SLC35F1: variants seen among roughly 807,000 people sequenced by gnomAD.
SLC35F1 encodes chromosome 6 open reading frame 169.
A neutral mutation model predicts 48.7 loss-of-function variants in SLC35F1; 14 were observed. The ratio of observed to expected loss-of-function variants is 0.29; its 90% CI spans 0.19 to 0.45. SLC35F1 has a LOEUF of 0.45. Among genes scored for constraint, SLC35F1 ranks in the 20% least tolerant of loss-of-function variants. SLC35F1 has a pLI of 1.00. For missense variants in SLC35F1, 404 were observed against 500.0 expected (o/e 0.81, Z 1.83); for synonymous variants, 190 against 202.2 (o/e 0.94, Z 0.51).
intron 4 of SLC35F1, 40 bp downstream of exon 4, chr6:118,267,194 G>T: frequency 6.2e-7 from 1 of 1,610,360 alleles, no homozygotes; most frequent in Non-Finnish European, 8.5e-7. Context: ...TACCTCTGCG[G>T]GTGAGGCCAA....
rs139593071 is a variant in SLC35F1 at position 117,932,685 on chromosome 6, G to A, written c.173+24786G>A. On this transcript the variant is annotated intron_variant, in intron 1 of 7. Transcript: ENST00000360388. The stretch of plus-strand genomic sequence containing the variant: ...CATTGTCTGAACTACATCTTTTCAA[G>A]GATGATATGAAGTTTTCAGGAAATG... Among the ~76,000 whole-genome samples, 21 of 152,228 alleles carry A rather than the reference G, an allele frequency of 1.4e-4. No individual in the cohort carries two copies. In the East Asian group the frequency reaches 4.1e-3, roughly 29 times the overall value.
At chr6:117,942,784 A>G (rs1776248001) in intron 1 of SLC35F1, among the ~76,000 whole-genome samples, 2 of 152,310 alleles carry the variant, frequency 1.3e-5, no homozygotes, top group South Asian at 4.1e-4. Context: ...CTAGTTTTCT[A>G]AAATTGGTGT....
chr6:118,264,751 T>A (rs77932866), intron 3 of SLC35F1, among the ~76,000 whole-genome samples: 3 of 152,380 alleles, frequency 2.0e-5, no homozygotes, highest in African/African-American at 7.2e-5. Flanking sequence ...TCAATCATTT[T>A]TAATTTTTAA....
intron 2 of SLC35F1, among the ~76,000 whole-genome samples, chr6:118,185,004 C>T (rs1054949214): frequency 2.0e-5 from 3 of 152,162 alleles, no homozygotes; most frequent in Non-Finnish European, 2.9e-5. Context: ...TGCATAGCTC[C>T]TTCTTGTCCA....
intron 1 of SLC35F1, among the ~76,000 whole-genome samples, chr6:117,934,161 A>C (rs981406636): frequency 6.6e-6 from 1 of 152,138 alleles, no homozygotes; most frequent in Non-Finnish European, 1.5e-5. Context: ...ATAGGATTCA[A>C]CTTTTTAACC....
At chr6:118,074,405 A>G (rs1772788581) in intron 1 of SLC35F1, among the ~76,000 whole-genome samples, 1 of 152,134 alleles carries the variant, frequency 6.6e-6, no homozygotes, top group African/African-American at 2.4e-5. Flanking sequence ...CTGTGTTTCT[A>G]TATGACCTCC....
intron 1 of SLC35F1, among the ~76,000 whole-genome samples, chr6:118,135,501 G>A (rs909130276): frequency 2.0e-5 from 3 of 152,176 alleles, no homozygotes; most frequent in Admixed American, 6.5e-5. Context: ...TTTAGATGCC[G>A]GGTACCAGCC....
chr6:118,214,514 C>A (rs1187974367), intron 2 of SLC35F1, among the ~76,000 whole-genome samples: 1 of 152,128 alleles, frequency 6.6e-6, no homozygotes, highest in Non-Finnish European at 1.5e-5. Flanking sequence ...AAAAAGTCAC[C>A]TTACGCCAAC....
At chr6:118,068,173 A>T (rs1009895629) in intron 1 of SLC35F1, among the ~76,000 whole-genome samples, 2 of 152,132 alleles carry the variant, frequency 1.3e-5, no homozygotes, top group African/African-American at 2.4e-5. Context: ...GCCCGCCCAC[A>T]GTGAGGGCAG....
At chr6:118,097,213 C>G (rs899056056) in intron 1 of SLC35F1, among the ~76,000 whole-genome samples, 2 of 152,186 alleles carry the variant, frequency 1.3e-5, no homozygotes, top group African/African-American at 4.8e-5. Context: ...ACTCCCACCT[C>G]ACTTTCCACC....
chr6:118,210,476 A>G lies in SLC35F1; in HGVS notation c.350-25033A>G, dbSNP rs918844764. Among the ~76,000 whole-genome samples the G allele has an allele frequency of 5.9e-5, 9 of 152,358 alleles. No homozygotes were observed. In the South Asian group the frequency reaches 1.2e-3, roughly 21 times the overall value. On this transcript the variant is annotated intron_variant, in intron 2 of 7. Coordinates refer to ENST00000360388, the MANE Select transcript of SLC35F1 (RefSeq NM_001029858.4). ...AAAAAAGAAACGAAGTACAAACAAAAGAGTAGAAAAACTGAAGGGTAGTGT... is the reference window on the plus strand; with the variant it reads ...AAAAAAGAAACGAAGTACAAACAAAGGAGTAGAAAAACTGAAGGGTAGTGT...
At chr6:118,189,923 A>C (rs1774709275) in intron 2 of SLC35F1, among the ~76,000 whole-genome samples, 1 of 152,338 alleles carries the variant, frequency 6.6e-6, no homozygotes, top group Middle Eastern at 3.4e-3. Context: ...GAGTGGTTGA[A>C]GTATGTCTGC....
At chr6:118,239,467 G>T (rs1208730604) in intron 3 of SLC35F1, among the ~76,000 whole-genome samples, 1 of 146,462 alleles carries the variant, frequency 6.8e-6, no homozygotes, top group African/African-American at 2.5e-5. Context: ...AATGAGGAGT[G>T]ACTTTCCTGT....
At chr6:118,195,395 T>G (rs904853999) in intron 2 of SLC35F1, among the ~76,000 whole-genome samples, 31 of 152,212 alleles carry the variant, frequency 2.0e-4, no homozygotes, top group African/African-American at 7.2e-4. Flanking sequence ...TGCTCCTCCC[T>G]GGGTCTAATG....
chr6:118,127,588 G>C (rs1773645899), intron 1 of SLC35F1, among the ~76,000 whole-genome samples: 1 of 152,044 alleles, frequency 6.6e-6, no homozygotes, highest in Non-Finnish European at 1.5e-5. Context: ...AAATGGTGCT[G>C]GGAAAACTGG....
chr6:118,221,260 G>A (rs980005486), intron 2 of SLC35F1, among the ~76,000 whole-genome samples: 10 of 152,066 alleles, frequency 6.6e-5, no homozygotes, highest in Admixed American at 5.9e-4. Flanking sequence ...AGCATAGATC[G>A]CTTTGTCTGT....
At chr6:118,163,766 A>G (rs1036587557) in intron 2 of SLC35F1, among the ~76,000 whole-genome samples, 8 of 152,236 alleles carry the variant, frequency 5.3e-5, no homozygotes, top group Non-Finnish European at 1.5e-5. Flanking sequence ...AGTGCTTTGT[A>G]TGTAATTAGT....
chr6:118,241,968 T>C (rs1469202160), intron 3 of SLC35F1, among the ~76,000 whole-genome samples: 1 of 152,250 alleles, frequency 6.6e-6, no homozygotes, highest in Non-Finnish European at 1.5e-5. Context: ...TTTAACTATT[T>C]ACCTGTTGAA....
chr6:118,146,006 A>C (rs1442153480), intron 1 of SLC35F1, among the ~76,000 whole-genome samples: 1 of 152,226 alleles, frequency 6.6e-6, no homozygotes, highest in Non-Finnish European at 1.5e-5. Context: ...AGACACATAG[A>C]AAGACATGCT....
Sources: gnomAD v4.1 joint callset for allele counts (sites outside exome capture counted in the v4.1 genomes callset) on GRCh38, gnomAD v4.1.1 for gene constraint, MANE v1.5 for transcripts, NCBI Gene and HGNC (gene_info 2026-07-23, HGNC 2026-07-21) for gene names.